Variants in AGBL1 observed in about 807,000 individuals in gnomAD.
The protein encoded by AGBL1 is cytosolic carboxypeptidase 4.
A neutral mutation model predicts 118.9 loss-of-function variants in AGBL1; 130 were observed. That is an observed-to-expected ratio of 1.09 (90% CI 0.95 to 1.26). The LOEUF is 1.26. AGBL1 is among the 50% of genes most tolerant of loss of function. The pLI is 0.00. For missense variants in AGBL1, 1,584 were observed against 1,298.1 expected (o/e 1.22, Z -3.38); for synonymous variants, 555 against 478.9 (o/e 1.16, Z -2.08).
At chr15:86,985,676 C>T (rs891338799) in intron 23 of AGBL1, among the ~76,000 whole-genome samples, 34 of 151,982 alleles carry the variant, frequency 2.2e-4, no homozygotes, top group Non-Finnish European at 2.9e-4. Flanking sequence ...CACTCTGTGG[C>T]TTACCTTCTC....
At chr15:86,826,335 G>C (rs2079012666) in intron 22 of AGBL1, among the ~76,000 whole-genome samples, 2 of 152,118 alleles carry the variant, frequency 1.3e-5, no homozygotes, top group African/African-American at 2.4e-5. Context: ...TAAAGTCCGA[G>C]GGATGCAGTG....
intron 21 of AGBL1, among the ~76,000 whole-genome samples, chr15:86,642,300 A>G (rs1482507576): frequency 6.6e-6 from 1 of 152,182 alleles, no homozygotes; most frequent in Non-Finnish European, 1.5e-5. Flanking sequence ...CTTTTACTCA[A>G]TAGCTAAATT....
chr15:86,143,975 G>A (rs985909839), intron 3 of AGBL1, 130 bp downstream of exon 3: 7 of 1,157,002 alleles, frequency 6.1e-6, no homozygotes, highest in Non-Finnish European at 8.3e-6. Context: ...ACAACTTGAT[G>A]GTGATGGCAG....
intron 22 of AGBL1, among the ~76,000 whole-genome samples, chr15:86,697,213 CT>C (rs1396137969): frequency 1.3e-5 from 2 of 151,798 alleles, no homozygotes; most frequent in Admixed American, 1.3e-4. Flanking sequence ...TTAAATTTCT[CT>C]TCTTCTTCAG....
intron 22 of AGBL1, among the ~76,000 whole-genome samples, chr15:86,832,227 A>G (rs1417873907): frequency 1.3e-5 from 2 of 152,098 alleles, no homozygotes; most frequent in African/African-American, 4.8e-5. Flanking sequence ...CCCTGGAGAC[A>G]TTTTTCCATT....
chr15:86,653,975 G>A (rs2085421297), intron 21 of AGBL1, among the ~76,000 whole-genome samples: 2 of 152,158 alleles, frequency 1.3e-5, no homozygotes, highest in South Asian at 2.1e-4. Flanking sequence ...AAGAATGTGA[G>A]TAGTTTGATA....
chr15:86,697,503 ATTT>A (rs55678017), intron 22 of AGBL1, among the ~76,000 whole-genome samples: 2 of 144,612 alleles, frequency 1.4e-5, no homozygotes. Flanking sequence ...ATCTTGTATC[ATTT>A]TTTTTTTTTT....
At chr15:86,179,555 T>A (rs1313950407) in intron 5 of AGBL1, among the ~76,000 whole-genome samples, 3 of 152,162 alleles carry the variant, frequency 2.0e-5, no homozygotes, top group Non-Finnish European at 4.4e-5. Flanking sequence ...AGAAGGGAAC[T>A]TTCTCAATAA....
intron 5 of AGBL1, among the ~76,000 whole-genome samples, chr15:86,177,816 C>G (rs1004035664): frequency 6.6e-6 from 1 of 151,992 alleles, no homozygotes; most frequent in Non-Finnish European, 1.5e-5. Context: ...CCAGTAGGCA[C>G]ATATCAGAAA....
At chr15:86,656,061 G>C (rs1225937031) in intron 21 of AGBL1, among the ~76,000 whole-genome samples, 1 of 152,174 alleles carries the variant, frequency 6.6e-6, no homozygotes, top group African/African-American at 2.4e-5. Flanking sequence ...GGAGCATGAA[G>C]CATGCTTCCA....
intron 17 of AGBL1, among the ~76,000 whole-genome samples, chr15:86,397,057 T>C (rs2081375884): frequency 6.6e-6 from 1 of 152,146 alleles, no homozygotes. Context: ...AATGGGTAAA[T>C]GTAGATCAGA....
chr15:86,334,474 A>C lies in AGBL1; in HGVS notation c.2374+39066A>C, dbSNP rs577295475. 3.3e-5 allele frequency among the ~76,000 whole-genome samples: 5 copies of C among 152,362 alleles called. No individual in the cohort carries two copies. In the South Asian group the frequency reaches 1.0e-3, roughly 32 times the overall value. On this transcript the variant is annotated intron_variant, in intron 17 of 22. Transcript: ENST00000614907. Reference sequence around the variant, plus strand: ...CTAACCAAGGAGGTGAAAGATCCCTACAAGAGAAATGCAAAGTACTGCTAA... The same window carrying C: ...CTAACCAAGGAGGTGAAAGATCCCTCCAAGAGAAATGCAAAGTACTGCTAA...
intron 21 of AGBL1, among the ~76,000 whole-genome samples, chr15:86,649,132 A>T (rs1421912694): frequency 6.6e-6 from 1 of 152,154 alleles, no homozygotes; most frequent in Middle Eastern, 3.2e-3. Context: ...TATGAGGATG[A>T]GGAAATAGGA....
chr15:86,940,081 T>C (rs1596654222), intron 23 of AGBL1, among the ~76,000 whole-genome samples: 1 of 140,208 alleles, frequency 7.1e-6, no homozygotes, highest in Non-Finnish European at 1.5e-5. Context: ...TTTTTTTTTT[T>C]TTTTTTTGGT....
chr15:86,539,876 C>T (rs944286431), intron 19 of AGBL1, among the ~76,000 whole-genome samples: 10 of 152,162 alleles, frequency 6.6e-5, no homozygotes, highest in African/African-American at 2.2e-4. Flanking sequence ...CTTATCTCTA[C>T]TTCAGCTCTT....
intron 22 of AGBL1, among the ~76,000 whole-genome samples, chr15:86,827,696 A>G (rs1441435186): frequency 1.4e-5 from 2 of 144,920 alleles, no homozygotes; most frequent in Non-Finnish European, 3.0e-5. Context: ...ATCAGAGGCA[A>G]TATTTGTCTT....
At chr15:86,991,078 T>C (rs1210724860) in intron 24 of AGBL1, among the ~76,000 whole-genome samples, 12 of 152,212 alleles carry the variant, frequency 7.9e-5, no homozygotes, top group Non-Finnish European at 1.3e-4. Flanking sequence ...TCTCTGATCC[T>C]GAGACCTGCA....
intron 19 of AGBL1, among the ~76,000 whole-genome samples, chr15:86,540,709 G>T (rs539265462): frequency 1.3e-5 from 2 of 152,172 alleles, no homozygotes; most frequent in African/African-American, 4.8e-5. Context: ...AAAAGAAAAA[G>T]CTTCCTTAAC....
In AGBL1 at chr15:86,295,244, T is replaced by G. The variant is rs1460137838; in HGVS notation, c.2221-11T>G. 6.2e-7 allele frequency: 1 copy of G among 1,613,146 alleles called. No individual in the cohort carries two copies. The highest frequency in any genetic ancestry group is 1.1e-5 in the South Asian group (1 of 91,020). On this transcript the variant is annotated splice_polypyrimidine_tract_variant and intron_variant, in intron 16 of 22. Coordinates refer to ENST00000614907, the MANE Select transcript of AGBL1 (RefSeq NM_001386094.1). ...TTGATAATATACATGCCTGCTTTATTTCTGCTCCAGACTCATCTTGACATC... is the reference window on the plus strand; with the variant it reads ...TTGATAATATACATGCCTGCTTTATGTCTGCTCCAGACTCATCTTGACATC...
Sources: allele counts gnomAD v4.1 joint callset (sites outside exome capture counted in the v4.1 genomes callset), GRCh38; gene constraint gnomAD v4.1.1; transcripts MANE v1.5; gene names NCBI Gene and HGNC (gene_info 2026-07-23, HGNC 2026-07-21).